Variants in TXNL1 observed in about 807,000 individuals in gnomAD.
TXNL1 encodes the protein thioredoxin-like protein 1.
A neutral mutation model predicts 35.5 loss-of-function variants in TXNL1; 14 were observed. That is an observed-to-expected ratio of 0.39 (90% confidence interval 0.26 to 0.62). TXNL1 has a LOEUF of 0.62. Ranked by LOEUF, TXNL1 falls within the 20% of genes least tolerant of loss-of-function variation. The pLI, the probability that TXNL1 is intolerant of heterozygous loss-of-function variation, is 0.47. For synonymous variants in TXNL1, 110 were observed against 115.5 expected (o/e 0.95, Z 0.31); for missense variants, 263 against 349.7 (o/e 0.75, Z 1.98).
chr18:56,631,446 T>G (rs1475564786), intron 1 of TXNL1, among the ~76,000 whole-genome samples: 1 of 151,970 alleles, frequency 6.6e-6, no homozygotes, highest in Non-Finnish European at 1.5e-5. Context: ...GTTCAAGAGA[T>G]CACCTAGTCC....
intron 3 of TXNL1, among the ~76,000 whole-genome samples, chr18:56,622,194 T>C (rs1463640930): frequency 2.0e-5 from 3 of 152,024 alleles, no homozygotes; most frequent in Admixed American, 6.6e-5. Context: ...GTGTGCCTAG[T>C]GGCTACCATA....
intron 3 of TXNL1, among the ~76,000 whole-genome samples, chr18:56,619,808 A>C (rs546574785): frequency 6.6e-6 from 1 of 152,166 alleles, no homozygotes; most frequent in Admixed American, 6.5e-5. Flanking sequence ...GATTTTACTG[A>C]ATGCTTTAGG....
At position 56,597,472 on chromosome 18, in the gene TXNL1, T is replaced by C. The variant is rs2023759205; in HGVS notation, c.*5555A>G. ...TCCACAATTTAATGGATTAAACAACTGGACATCCCAGCTAATTTCAATATC... is the reference window on the plus strand; with the variant it reads ...TCCACAATTTAATGGATTAAACAACCGGACATCCCAGCTAATTTCAATATC... On this transcript the variant is annotated 3_prime_UTR_variant, in exon 8 of 8. Transcript: ENST00000217515. 6.6e-6 allele frequency: 1 copy of C among 152,250 alleles called. No homozygotes were observed. Among genetic ancestry groups the C allele is most frequent in the South Asian group, 2.1e-4 (1 of 4,834 alleles). 9.4% of individuals were successfully genotyped at this position (152,250 alleles called of 1,614,324 possible).
intron 3 of TXNL1, among the ~76,000 whole-genome samples, chr18:56,623,102 G>C (rs935253907): frequency 6.6e-6 from 1 of 151,890 alleles, no homozygotes; most frequent in African/African-American, 2.4e-5. Context: ...ACACAGATCT[G>C]CTTTAATATG....
At chr18:56,615,922 G>C (rs2024078862) in intron 5 of TXNL1, among the ~76,000 whole-genome samples, 1 of 151,988 alleles carries the variant, frequency 6.6e-6, no homozygotes, top group South Asian at 2.1e-4. Context: ...TTGGGGTCAG[G>C]AGTTCAAGAA....
chr18:56,635,107 A>C (rs532121422), intron 1 of TXNL1, among the ~76,000 whole-genome samples: 1 of 152,224 alleles, frequency 6.6e-6, no homozygotes, highest in Non-Finnish European at 1.5e-5. Flanking sequence ...AACAAAAAAT[A>C]AATTAGCGGG....
At chr18:56,606,545 G>A (rs905474863) in intron 7 of TXNL1, among the ~76,000 whole-genome samples, 4 of 152,124 alleles carry the variant, frequency 2.6e-5, no homozygotes, top group Admixed American at 6.6e-5. Context: ...TATCAAGGGT[G>A]CCCATAGCTG....
rs1290723464 is a variant in TXNL1, at chr18:56,597,870, GCTTCTCCTAAGAGCTA to G, written c.*5141_*5156del. On this transcript the variant is annotated 3_prime_UTR_variant, in exon 8 of 8. Transcript: ENST00000217515. ...ATTCATCTTCCCCTCTGAACGTTCTGCTTCTCCTAAGAGCTACTTCTATATTCAATTGTAAAAGTGA... is the reference window on the plus strand; with the variant it reads ...ATTCATCTTCCCCTCTGAACGTTCTGCTTCTATATTCAATTGTAAAAGTGA... 2.6e-5 allele frequency: 4 copies of G among 152,182 alleles called. No homozygotes were observed. The highest frequency in any genetic ancestry group is 5.9e-5 in the Non-Finnish European group (4 of 68,038). 9.4% of individuals were successfully genotyped at this position (152,182 alleles called of 1,614,324 possible). A position where few individuals can be genotyped will look rare whatever the true frequency, so the allele number is the denominator to read the frequency against.
chr18:56,634,785 C>G (rs11872980), intron 1 of TXNL1, among the ~76,000 whole-genome samples: 1 of 152,082 alleles, frequency 6.6e-6, no homozygotes, highest in Non-Finnish European at 1.5e-5. Context: ...ACCAAAAGCA[C>G]AGGCAACAAA....
chr18:56,618,121 A>G lies in TXNL1; in HGVS notation c.375T>C (p.Asp125=). The G allele has an allele frequency of 6.2e-7, 1 of 1,612,852 alleles. No individual in the cohort carries two copies. The highest frequency in any genetic ancestry group is 8.5e-7 in the Non-Finnish European group (1 of 1,179,268). The change falls in exon 4 of 8, where the codon GAT becomes GAC. Residue 125 remains aspartate (D), a synonymous_variant. Transcript: ENST00000217515. ...CAGCTTTGTTAATAAAAGGCATTAA[A>G]TCCATCTGAAAAAAAATTGCAAGAT... is the stretch of plus-strand genomic sequence containing the variant. The part of the protein sequence containing the change: ...EDTDIPKGYM[D]LMPFINKAGC...
At position 56,599,455 on chromosome 18, in the gene TXNL1, A is replaced by C. The variant is rs1287644292; in HGVS notation, c.*3572T>G. 1 of 152,202 alleles carries C rather than the reference A, an allele frequency of 6.6e-6. No individual in the cohort carries two copies. The highest frequency in any genetic ancestry group is 1.5e-5 in the Non-Finnish European group (1 of 68,042). 9.4% of individuals were successfully genotyped at this position (152,202 alleles called of 1,614,324 possible). The stretch of plus-strand genomic sequence containing the variant: ...ACTTGCTTTATGTGTATTATAAAGC[A>C]TAATCTATATTTACAAAACTGTAAA... On this transcript the variant is annotated 3_prime_UTR_variant, in exon 8 of 8. Transcript: ENST00000217515.
chr18:56,611,132 CCTT>C (rs775982666), intron 6 of TXNL1, 35 bp from the exon 7 acceptor site: 24 of 1,324,410 alleles, frequency 1.8e-5, no homozygotes, highest in East Asian at 7.1e-5. Context: ...TAATTACAAT[CCTT>C]CTTCACAAAC....
Position 56,599,828 on chromosome 18 carries a change from G to A in TXNL1, c.*3199C>T, listed in dbSNP as rs932102449. The A allele has an allele frequency of 6.6e-6, 1 of 151,806 alleles. No homozygotes were observed. Among genetic ancestry groups the A allele is most frequent in the African/African-American group, 2.4e-5 (1 of 41,310 alleles). The allele number at this position is 151,806 out of a possible 1,614,324, so 9.4% of individuals were successfully genotyped here. On this transcript the variant is annotated 3_prime_UTR_variant, in exon 8 of 8. Coordinates refer to ENST00000217515, the MANE Select transcript of TXNL1 (RefSeq NM_004786.3). ...GCCGCCTCGGCCTCCCAAAATGCTG[G>A]GATTACAGGCATGAGCCACTGTTCC...
intron 6 of TXNL1, among the ~76,000 whole-genome samples, chr18:56,613,586 G>A (rs1029926371): frequency 6.6e-6 from 1 of 152,154 alleles, no homozygotes. Flanking sequence ...GGCTGAGGTG[G>A]GAGGACTGCT....
rs1408982365 is a variant in TXNL1 at position 56,600,974 on chromosome 18, A to G, written c.*2053T>C. On this transcript the variant is annotated 3_prime_UTR_variant, in exon 8 of 8. Transcript: ENST00000217515. ...ATGAAATTCTTTTTTGCTATGTCCG[A>G]CAAAATGAACAAGAAACTGAATACC... 2 of 152,242 alleles carry G rather than the reference A, an allele frequency of 1.3e-5. No homozygotes were observed. Among genetic ancestry groups the G allele is most frequent in the East Asian group, 3.8e-4 (2 of 5,204 alleles). 9.4% of individuals were successfully genotyped at this position (152,242 alleles called of 1,614,324 possible).
At chr18:56,631,969 C>T (rs188341968) in intron 1 of TXNL1, among the ~76,000 whole-genome samples, 2 of 147,946 alleles carry the variant, frequency 1.4e-5, no homozygotes, top group East Asian at 2.0e-4. Context: ...TTAAAACAGA[C>T]ATAACCTAAT....
At position 56,602,946 on chromosome 18, in the gene TXNL1, GAC is replaced by G; in HGVS notation, c.*79_*80del. The G allele has an allele frequency of 1.4e-6, 2 of 1,394,740 alleles. No homozygotes were observed. The highest frequency in any genetic ancestry group is 2.0e-6 in the Non-Finnish European group (2 of 982,312). The allele number at this position is 1,394,740 out of a possible 1,614,324, so 86.4% of individuals were successfully genotyped here. On this transcript the variant is annotated 3_prime_UTR_variant, in exon 8 of 8. Transcript: ENST00000217515. ...TGGTAATGGCAATGAATGAAACATT[GAC>G]AGTCTCTGGCGAGAATCAAGCAATT...
At chr18:56,610,965 T>A in intron 7 of TXNL1, 28 bp downstream of exon 7, 1 of 1,386,962 alleles carries the variant, frequency 7.2e-7, no homozygotes, top group Non-Finnish European at 1.0e-6. Flanking sequence ...ATTTTTACTA[T>A]CCCGAAGTAT....
At chr18:56,618,627 G>C (rs1334752564) in intron 3 of TXNL1, among the ~76,000 whole-genome samples, 1 of 150,906 alleles carries the variant, frequency 6.6e-6, no homozygotes, top group Non-Finnish European at 1.5e-5. Flanking sequence ...ATCATCAACT[G>C]AAGGCCACTC....
Sources: allele counts gnomAD v4.1 joint callset (sites outside exome capture counted in the v4.1 genomes callset), GRCh38; gene constraint gnomAD v4.1.1; transcripts MANE v1.5; gene names NCBI Gene and HGNC (gene_info 2026-07-23, HGNC 2026-07-21).